Variants in PDS5B observed in about 807,000 individuals in gnomAD.
The protein encoded by PDS5B is PDS5 cohesin associated factor B.
A neutral mutation model predicts 184.1 loss-of-function variants in PDS5B; 51 were observed. The ratio of observed to expected loss-of-function variants is 0.28; its 90% confidence interval spans 0.22 to 0.35. PDS5B has a LOEUF of 0.35. PDS5B is among the 10% of genes least tolerant of loss of function. The probability of loss-of-function intolerance (pLI) is 1.00; values close to 1 mark genes in which losing one functional copy is unlikely to be tolerated. For synonymous variants in PDS5B, 566 were observed against 569.2 expected (o/e 0.99, Z 0.08); for missense variants, 1,180 against 1,723.3 (o/e 0.68, Z 5.58).
chr13:32,701,077 A>G (rs1951848014), intron 16 of PDS5B: 2 of 254,484 alleles, frequency 7.9e-6, no homozygotes, highest in South Asian at 2.1e-4. Context: ...TTTATTCCAA[A>G]TGTCTATCCA....
intron 13 of PDS5B, 39 bp from the exon 14 acceptor site, chr13:32,694,184 C>T (rs1322290088): frequency 2.3e-6 from 3 of 1,322,298 alleles, no homozygotes; most frequent in Non-Finnish European, 1.1e-6. Context: ...GATTTTTATT[C>T]TGTTTTGTTA....
intron 1 of PDS5B, among the ~76,000 whole-genome samples, chr13:32,620,228 A>G (rs1202007815): frequency 6.6e-6 from 1 of 152,240 alleles, no homozygotes; most frequent in Non-Finnish European, 1.5e-5. Flanking sequence ...TAATGTTCAC[A>G]ATACTAATGT....
intron 13 of PDS5B, among the ~76,000 whole-genome samples, chr13:32,693,898 ATTC>A (rs922291315): frequency 2.0e-5 from 3 of 151,646 alleles, no homozygotes; most frequent in Non-Finnish European, 3.0e-5. Flanking sequence ...CTCATAACTA[ATTC>A]TTCTTTTTAT....
Position 32,755,882 on chromosome 13 carries a change from T to C in PDS5B, c.2982T>C (p.Tyr994=), listed in dbSNP as rs371983485. ...LSLLPEYVVP[Y]TIHLLAHDPD... ...TTCTACCAGAGTATGTTGTTCCATA[T>C]ACAATTCACCTTTTGGCACATGACC... The change falls in exon 26 of 35, where the codon TAT becomes TAC. Residue 994 remains tyrosine (Y), a synonymous_variant. Transcript: ENST00000315596. 2 of 1,573,356 alleles carry C rather than the reference T, an allele frequency of 1.3e-6. No individual in the cohort carries two copies. The highest frequency in any genetic ancestry group is 1.7e-6 in the Non-Finnish European group (2 of 1,148,816).
At chr13:32,723,653 A>G (rs535629007) in intron 19 of PDS5B, among the ~76,000 whole-genome samples, 2 of 152,326 alleles carry the variant, frequency 1.3e-5, no homozygotes, top group African/African-American at 4.8e-5. Context: ...AATCTCAGCT[A>G]AAGTTGCTGC....
intron 1 of PDS5B, among the ~76,000 whole-genome samples, chr13:32,596,189 C>A (rs1417964210): frequency 1.3e-5 from 2 of 152,098 alleles, no homozygotes; most frequent in African/African-American, 4.8e-5. Context: ...ATTTTTATTA[C>A]CCCACAACGT....
chr13:32,773,964 C>T (rs1593670811), intron 34 of PDS5B, among the ~76,000 whole-genome samples: 1 of 151,932 alleles, frequency 6.6e-6, no homozygotes, highest in Non-Finnish European at 1.5e-5. Flanking sequence ...CCACTGTGCC[C>T]GACTAGTTTT....
At chr13:32,727,808 G>C (rs1452885074) in intron 19 of PDS5B, among the ~76,000 whole-genome samples, 2 of 151,060 alleles carry the variant, frequency 1.3e-5, no homozygotes, top group Non-Finnish European at 3.0e-5. Flanking sequence ...GGATCTCTAA[G>C]GTTATTTTAA....
intron 2 of PDS5B, chr13:32,649,234 A>C (rs983091111): frequency 5.7e-6 from 1 of 174,494 alleles, no homozygotes; most frequent in Non-Finnish European, 1.2e-5. Flanking sequence ...CTTTATACTG[A>C]GTAATTAGGC....
At chr13:32,679,269 T>C (rs937676021) in intron 10 of PDS5B, among the ~76,000 whole-genome samples, 1 of 152,134 alleles carries the variant, frequency 6.6e-6, no homozygotes, top group African/African-American at 2.4e-5. Flanking sequence ...CAAATCCAAA[T>C]GTCTAAAATA....
At chr13:32,619,479 C>T (rs1327658579) in intron 1 of PDS5B, among the ~76,000 whole-genome samples, 1 of 152,098 alleles carries the variant, frequency 6.6e-6, no homozygotes, top group African/African-American at 2.4e-5. Flanking sequence ...AGAGCACTTA[C>T]CATGAATAGA....
At chr13:32,721,219 C>T (rs1218605408) in intron 19 of PDS5B, among the ~76,000 whole-genome samples, 25 of 151,360 alleles carry the variant, frequency 1.7e-4, no homozygotes, top group Non-Finnish European at 3.1e-4. Flanking sequence ...ACGTGGCAGC[C>T]GGGCAGAGGC....
chr13:32,626,898 A>G (rs1371152420), intron 1 of PDS5B, among the ~76,000 whole-genome samples: 2 of 152,244 alleles, frequency 1.3e-5, no homozygotes, highest in Non-Finnish European at 2.9e-5. Context: ...ATAGTGACAT[A>G]TGCTTACTGA....
chr13:32,745,343 C>G (rs1228010765), intron 23 of PDS5B, among the ~76,000 whole-genome samples: 2 of 152,154 alleles, frequency 1.3e-5, no homozygotes, highest in African/African-American at 4.8e-5. Flanking sequence ...AACATACAGA[C>G]AGATTTCTTC....
intron 3 of PDS5B, among the ~76,000 whole-genome samples, chr13:32,656,273 CTTTTTT>C (rs71071057): frequency 2.1e-5 from 2 of 96,788 alleles, no homozygotes; most frequent in African/African-American, 4.0e-5. Context: ...TCTCCAGCTT[CTTTTTT>C]TTTTTTTTTT....
At chr13:32,770,601 A>G (rs766646618) in intron 32 of PDS5B, 41 bp downstream of exon 32, 82 of 1,601,396 alleles carry the variant, frequency 5.1e-5, no homozygotes, top group Non-Finnish European at 6.8e-5. Context: ...TTTCGTTACT[A>G]TATTATAAAT....
intron 17 of PDS5B, among the ~76,000 whole-genome samples, chr13:32,705,116 C>G (rs1447542725): frequency 6.6e-6 from 1 of 152,062 alleles, no homozygotes; most frequent in Non-Finnish European, 1.5e-5. Context: ...AACTTTTCTT[C>G]TTGTTGTGGC....
rs756623179 is a variant in PDS5B, at chr13:32,658,224, C to CT, written c.313-8dup. ...GTTCATAATCTAAATGGCACTTTGT[C>CT]TTTTTTTATTTAAGGATATATTTAT... On this transcript the variant is annotated splice_polypyrimidine_tract_variant and intron_variant, in intron 3 of 34. Transcript: ENST00000315596. The CT allele has an allele frequency of 4.0e-6, 5 of 1,247,270 alleles. No homozygotes were observed. In the Admixed American group the frequency reaches 8.0e-5, roughly 20 times the overall value. The allele number at this position is 1,247,270 out of a possible 1,614,324, so 77.3% of individuals were successfully genotyped here. A position where few individuals can be genotyped will look rare whatever the true frequency, so the allele number is the denominator to read the frequency against.
In PDS5B at chr13:32,775,879, T is replaced by C. The variant is rs1270602881; in HGVS notation, c.*827T>C. 3.5e-6 allele frequency: 1 copy of C among 287,752 alleles called. No homozygotes were observed. The highest frequency in any genetic ancestry group is 3.2e-5 in the South Asian group (1 of 31,186). The allele number at this position is 287,752 out of a possible 1,614,324, so 17.8% of individuals were successfully genotyped here. A position where few individuals can be genotyped will look rare whatever the true frequency, so the allele number is the denominator to read the frequency against. ...CCTTTCAGTTTTTATTAATCTACTG[T>C]ATCAATAAAATTCTGTAATTTGAAT... On this transcript the variant is annotated 3_prime_UTR_variant, in exon 35 of 35. Coordinates refer to ENST00000315596, the MANE Select transcript of PDS5B (RefSeq NM_015032.4).
Sources: allele counts gnomAD v4.1 joint callset (sites outside exome capture counted in the v4.1 genomes callset), GRCh38; gene constraint gnomAD v4.1.1; transcripts MANE v1.5; gene names NCBI Gene and HGNC (gene_info 2026-07-23, HGNC 2026-07-21).